The following NCKAP5 variants were observed in gnomAD, a reference collection of about 807,000 sequenced individuals.
NCKAP5 encodes NCK associated protein 5, also known as nck-associated protein 5.
NCKAP5 carries 92 observed loss-of-function variants against 167.0 expected under a neutral mutation model. That is an observed-to-expected ratio of 0.55 (90% confidence interval 0.47 to 0.66). The LOEUF is 0.66. Ranked by LOEUF, NCKAP5 falls within the 30% of genes least tolerant of loss-of-function variation. NCKAP5 has a pLI of 0.00. For synonymous variants in NCKAP5, 891 were observed against 877.4 expected, an observed-to-expected ratio of 1.02 and a Z score of -0.27; for missense variants, 2,378 against 2,315.0, an observed-to-expected ratio of 1.03 and a Z score of -0.56.
chr2:133,458,403 T>C (rs1487420376), intron 3 of NCKAP5, among the ~76,000 whole-genome samples: 2 of 152,142 alleles, frequency 1.3e-5, no homozygotes, highest in African/African-American at 2.4e-5. Context: ...TTTAAAAACA[T>C]GAGCAACATT....
intron 13 of NCKAP5, among the ~76,000 whole-genome samples, chr2:132,788,484 G>T: frequency 1.3e-5 from 2 of 152,226 alleles, no homozygotes; most frequent in South Asian, 4.1e-4. Context: ...GCTCTGCCAT[G>T]TACTGCCTGT....
rs1472726606 is a variant in NCKAP5 at position 133,175,340 on chromosome 2, C to A, written c.207+38376G>T. On this transcript the variant is annotated intron_variant, in intron 5 of 19. Coordinates refer to ENST00000409261, the MANE Select transcript of NCKAP5 (RefSeq NM_207363.3). ...GTCTTTTGACTTTATAGTATTTTTT[C>A]ATGCAATTTTTTAGAGTTTTTATAT... 7.2e-5 allele frequency among the ~76,000 whole-genome samples: 11 copies of A among 152,088 alleles called. No homozygotes were observed. In the East Asian group the frequency reaches 1.9e-3, roughly 27 times the overall value.
intron 3 of NCKAP5, among the ~76,000 whole-genome samples, chr2:133,511,451 G>A (rs532160963): frequency 5.3e-5 from 8 of 152,304 alleles, no homozygotes; most frequent in South Asian, 4.1e-4. Flanking sequence ...GGCTGAGCTC[G>A]GCTGGTGGAC....
intron 6 of NCKAP5, among the ~76,000 whole-genome samples, chr2:133,046,821 A>C (rs576156219): frequency 6.6e-6 from 1 of 152,216 alleles, no homozygotes; most frequent in Non-Finnish European, 1.5e-5. Context: ...AGAAAGGAAA[A>C]GATTAGCATA....
At chr2:133,524,914 G>C (rs1684743307) in intron 2 of NCKAP5, among the ~76,000 whole-genome samples, 1 of 152,078 alleles carries the variant, frequency 6.6e-6, no homozygotes, top group African/African-American at 2.4e-5. Flanking sequence ...GTCTGCATCT[G>C]TGCATGTGTG....
chr2:132,792,706 A>G (rs1025937064), intron 12 of NCKAP5, among the ~76,000 whole-genome samples: 3 of 152,108 alleles, frequency 2.0e-5, no homozygotes, highest in Non-Finnish European at 1.5e-5. Flanking sequence ...CTGCCTGGCT[A>G]TTGGTTACAG....
the NCKAP5 span, among the ~76,000 whole-genome samples, chr2:133,667,557 C>T: frequency 6.6e-6 from 1 of 152,030 alleles, no homozygotes; most frequent in Admixed American, 6.5e-5. Flanking sequence ...TGACTTTCTA[C>T]TACAAACAGG....
intron 8 of NCKAP5, among the ~76,000 whole-genome samples, chr2:132,920,678 T>TATATATATAA (rs1310367489): frequency 2.6e-5 from 3 of 115,482 alleles, no homozygotes; most frequent in African/African-American, 1.1e-4. Flanking sequence ...TATATATATA[T>TATATATATAA]AAGTTAGTTT....
chr2:132,934,608 C>T lies in NCKAP5; in HGVS notation c.579+29112G>A, dbSNP rs138806507. On this transcript the variant is annotated intron_variant, in intron 8 of 19. Coordinates refer to ENST00000409261, the MANE Select transcript of NCKAP5 (RefSeq NM_207363.3). ...ATTTTGTAAAAAAGTAAACGATGAC[C>T]CCACACTAAAACTATGAAAATCAAA... Among the ~76,000 whole-genome samples, 31 of 152,030 alleles carry T rather than the reference C, an allele frequency of 2.0e-4. 1 individual carries two copies. The highest frequency in any genetic ancestry group is 6.5e-4 in the Admixed American group (10 of 15,278).
At chr2:133,177,172 A>C (rs972241961) in intron 5 of NCKAP5, among the ~76,000 whole-genome samples, 77 of 131,622 alleles carry the variant, frequency 5.9e-4, no homozygotes, top group African/African-American at 2.3e-3. Context: ...TTCTATATAT[A>C]TATATATATA....
chr2:132,765,310 T>TTC (rs1681364092), intron 16 of NCKAP5, among the ~76,000 whole-genome samples: 1 of 104,708 alleles, frequency 9.6e-6, no homozygotes, highest in Non-Finnish European at 2.0e-5. Flanking sequence ...CTTTCTTTCT[T>TTC]TTTTTTTTTT....
At chr2:133,600,183 C>T in the NCKAP5 span, among the ~76,000 whole-genome samples, 3 of 152,210 alleles carry the variant, frequency 2.0e-5, no homozygotes, top group Non-Finnish European at 2.9e-5. Flanking sequence ...GAATAACAGA[C>T]GTCACAGAGA....
intron 4 of NCKAP5, among the ~76,000 whole-genome samples, chr2:133,270,665 T>G (rs1257474985): frequency 6.6e-6 from 1 of 152,214 alleles, no homozygotes; most frequent in Non-Finnish European, 1.5e-5. Flanking sequence ...GATGGAAAAT[T>G]GAAAGTATCT....
At chr2:133,616,517 C>T in the NCKAP5 span, among the ~76,000 whole-genome samples, 7 of 151,338 alleles carry the variant, frequency 4.6e-5, no homozygotes, top group East Asian at 1.4e-3. Flanking sequence ...GAGAATACTA[C>T]CAACACCTCT....
At chr2:133,581,155 G>A in the NCKAP5 span, among the ~76,000 whole-genome samples, 3 of 152,028 alleles carry the variant, frequency 2.0e-5, no homozygotes, top group African/African-American at 7.3e-5. Flanking sequence ...ATAGAATGAC[G>A]ACATCTGTTT....
At chr2:133,610,847 G>GA in the NCKAP5 span, among the ~76,000 whole-genome samples, 2 of 151,802 alleles carry the variant, frequency 1.3e-5, no homozygotes, top group African/African-American at 2.4e-5. Flanking sequence ...ACTTTTCAAA[G>GA]AAAAAAATAT....
At chr2:133,327,150 G>A (rs1219314870) in intron 3 of NCKAP5, among the ~76,000 whole-genome samples, 1 of 152,208 alleles carries the variant, frequency 6.6e-6, no homozygotes, top group East Asian at 1.9e-4. Context: ...TCTTCTGGAT[G>A]GGCAAACAGA....
intron 3 of NCKAP5, among the ~76,000 whole-genome samples, chr2:133,334,246 GT>G (rs1462555949): frequency 6.6e-6 from 1 of 152,040 alleles, no homozygotes; most frequent in Non-Finnish European, 1.5e-5. Flanking sequence ...AATGATTCCT[GT>G]TTCATAGGGC....
chr2:132,846,012 T>A (rs919119379), intron 11 of NCKAP5, among the ~76,000 whole-genome samples: 1 of 152,170 alleles, frequency 6.6e-6, no homozygotes, highest in Non-Finnish European at 1.5e-5. Context: ...TTTATTGCTA[T>A]GTAGTTCATA....
Sources: allele counts gnomAD v4.1 joint callset (sites outside exome capture counted in the v4.1 genomes callset), GRCh38; gene constraint gnomAD v4.1.1; transcripts MANE v1.5; gene names NCBI Gene and HGNC (gene_info 2026-07-23, HGNC 2026-07-21).